The following PRKCE variants were observed in gnomAD, a reference collection of about 807,000 sequenced individuals.
PRKCE encodes the protein protein kinase C epsilon type.
A neutral mutation model predicts 85.4 loss-of-function variants in PRKCE; 16 were observed. The observed-to-expected ratio is 0.19, with a 90% CI of 0.13 to 0.28. The LOEUF is 0.28. Ranked by LOEUF, PRKCE falls within the 10% of genes least tolerant of loss-of-function variation. The probability of loss-of-function intolerance (pLI) is 1.00; values close to 1 mark genes in which losing one functional copy is unlikely to be tolerated. For missense variants in PRKCE, 573 were observed against 975.2 expected, an observed-to-expected ratio of 0.59 and a Z score of 5.49; for synonymous variants, 388 against 371.5, an observed-to-expected ratio of 1.04 and a Z score of -0.51.
chr2:46,168,796 C>T (rs1022163475), intron 14 of PRKCE, among the ~76,000 whole-genome samples: 1 of 152,164 alleles, frequency 6.6e-6, no homozygotes, highest in African/African-American at 2.4e-5. Flanking sequence ...TCTGGGGAGG[C>T]TGGGAGCCAG....
At chr2:45,674,289 C>T (rs776630795) in intron 1 of PRKCE, among the ~76,000 whole-genome samples, 5 of 152,040 alleles carry the variant, frequency 3.3e-5, no homozygotes, top group East Asian at 1.9e-4. Flanking sequence ...GGTAGATGGC[C>T]GTAATGAGAT....
intron 1 of PRKCE, among the ~76,000 whole-genome samples, chr2:45,837,724 A>G (rs932405084): frequency 1.3e-5 from 2 of 152,068 alleles, no homozygotes; most frequent in South Asian, 2.1e-4. Context: ...GATTCTCAAC[A>G]GCACTAATAA....
intron 2 of PRKCE, among the ~76,000 whole-genome samples, chr2:45,894,874 CA>C (rs1206870038): frequency 1.3e-5 from 2 of 152,196 alleles, no homozygotes; most frequent in East Asian, 3.9e-4. Flanking sequence ...AGGTGCCCAC[CA>C]CTGCGCCTGG....
intron 2 of PRKCE, among the ~76,000 whole-genome samples, chr2:45,858,033 T>C (rs1692816412): frequency 6.6e-6 from 1 of 152,234 alleles, no homozygotes; most frequent in African/African-American, 2.4e-5. Flanking sequence ...TGTGTGCTGT[T>C]TGAAGGCTGA....
chr2:45,871,491 A>C (rs1198866861), intron 2 of PRKCE, among the ~76,000 whole-genome samples: 2 of 152,230 alleles, frequency 1.3e-5, no homozygotes, highest in Non-Finnish European at 2.9e-5. Flanking sequence ...ATGAAAATGC[A>C]AACTTGTTTT....
At chr2:45,819,026 C>T (rs1468821357) in intron 1 of PRKCE, among the ~76,000 whole-genome samples, 9 of 152,130 alleles carry the variant, frequency 5.9e-5, no homozygotes, top group Middle Eastern at 3.2e-3. Context: ...CCTCCTGAGA[C>T]AGGAAGCTTG....
intron 2 of PRKCE, among the ~76,000 whole-genome samples, chr2:45,952,313 C>T (rs1447801749): frequency 6.6e-6 from 1 of 152,212 alleles, no homozygotes; most frequent in Non-Finnish European, 1.5e-5. Context: ...TTCATTACAC[C>T]ATGCTGCCCC....
chr2:45,883,989 T>A (rs766755608), intron 2 of PRKCE, among the ~76,000 whole-genome samples: 2 of 152,194 alleles, frequency 1.3e-5, no homozygotes, highest in Non-Finnish European at 2.9e-5. Context: ...GCCCAAGGCC[T>A]TCTGGGGCAC....
intron 1 of PRKCE, among the ~76,000 whole-genome samples, chr2:45,692,474 C>T (rs368096229): frequency 6.6e-6 from 1 of 152,154 alleles, no homozygotes; most frequent in Non-Finnish European, 1.5e-5. Flanking sequence ...TTAGGGCCCA[C>T]CCTAATGACC....
chr2:45,717,361 C>T, intron 1 of PRKCE, among the ~76,000 whole-genome samples: 1 of 152,244 alleles, frequency 6.6e-6, no homozygotes, highest in East Asian at 1.9e-4. Flanking sequence ...TACCCCCTCT[C>T]TCTCAATCAA....
At chr2:45,659,110 C>A (rs1433199383) in intron 1 of PRKCE, among the ~76,000 whole-genome samples, 1 of 152,170 alleles carries the variant, frequency 6.6e-6, no homozygotes, top group Non-Finnish European at 1.5e-5. Flanking sequence ...GAACTCTAGA[C>A]TTTATATATG....
At chr2:45,828,860 C>T (rs1333540390) in intron 1 of PRKCE, among the ~76,000 whole-genome samples, 4 of 152,072 alleles carry the variant, frequency 2.6e-5, no homozygotes, top group Admixed American at 2.0e-4. Context: ...AAAAATTATT[C>T]CACTATTCCA....
At chr2:46,178,643 G>A (rs1464284979) in intron 14 of PRKCE, among the ~76,000 whole-genome samples, 1 of 152,124 alleles carries the variant, frequency 6.6e-6, no homozygotes, top group African/African-American at 2.4e-5. Flanking sequence ...TGTTCTAATT[G>A]TTTAAATTCT....
chr2:45,784,868 T>G (rs1686474562), intron 1 of PRKCE, among the ~76,000 whole-genome samples: 1 of 152,224 alleles, frequency 6.6e-6, no homozygotes, highest in African/African-American at 2.4e-5. Context: ...ATGATAATGT[T>G]TTTTGTCTTT....
chr2:45,902,364 G>A (rs1371101346), intron 2 of PRKCE, among the ~76,000 whole-genome samples: 1 of 152,186 alleles, frequency 6.6e-6, no homozygotes, highest in Non-Finnish European at 1.5e-5. Context: ...CCAATGCCCA[G>A]CCTGCCAATG....
At chr2:46,129,340 T>C (rs1674183646) in intron 11 of PRKCE, among the ~76,000 whole-genome samples, 1 of 152,168 alleles carries the variant, frequency 6.6e-6, no homozygotes, top group Non-Finnish European at 1.5e-5. Flanking sequence ...TACGTAGCTG[T>C]TGATGAGTGG....
intron 14 of PRKCE, among the ~76,000 whole-genome samples, chr2:46,160,929 G>A (rs1158939993): frequency 6.6e-6 from 1 of 152,206 alleles, no homozygotes; most frequent in Non-Finnish European, 1.5e-5. Flanking sequence ...GAGCACGTGG[G>A]GTTGAACATC....
intron 10 of PRKCE, among the ~76,000 whole-genome samples, chr2:46,078,520 A>AGT (rs1668757292): frequency 6.8e-6 from 1 of 147,078 alleles, no homozygotes; most frequent in Non-Finnish European, 1.5e-5. Flanking sequence ...AGCCTGGGTG[A>AGT]CAGAGCAGGA....
Position 45,893,267 on chromosome 2 carries a change from GT to G in PRKCE, c.412+50205del, listed in dbSNP as rs1695871060. ...GTGAAAATGACTGCAGTCCGGCAGG[GT>G]CAATGTGATGGACTCACAGGGAGAG... On this transcript the variant is annotated intron_variant, in intron 2 of 14. Coordinates refer to ENST00000306156, the MANE Select transcript of PRKCE (RefSeq NM_005400.3). Among the ~76,000 whole-genome samples, 4 of 152,120 alleles carry G rather than the reference GT, an allele frequency of 2.6e-5. 1 individual carries two copies. The highest frequency in any genetic ancestry group is 2.6e-4 in the Admixed American group (4 of 15,278).
Sources: gnomAD v4.1 joint callset for allele counts (sites outside exome capture counted in the v4.1 genomes callset) on GRCh38, gnomAD v4.1.1 for gene constraint, MANE v1.5 for transcripts, NCBI Gene and HGNC (gene_info 2026-07-23, HGNC 2026-07-21) for gene names.